The following ACAD9 variants were observed in gnomAD, a reference collection of about 807,000 sequenced individuals.
ACAD9 encodes acyl-CoA dehydrogenase family member 9.
In ACAD9, 53 loss-of-function variants were observed where a neutral mutation model predicts 70.2. That is an observed-to-expected ratio of 0.75 (90% CI 0.61 to 0.95). The LOEUF (loss-of-function observed/expected upper bound fraction) is 0.95. Among genes scored for constraint, ACAD9 ranks in the 40% least tolerant of loss-of-function variants. ACAD9 has a pLI of 0.00. For missense variants in ACAD9, 777 were observed against 802.8 expected (o/e 0.97, Z 0.39); for synonymous variants, 313 against 312.1 (o/e 1.00, Z -0.03).
At chr3:128,887,426 C>T (rs933923275) in intron 2 of ACAD9, among the ~76,000 whole-genome samples, 2 of 151,586 alleles carry the variant, frequency 1.3e-5, no homozygotes, top group East Asian at 1.9e-4. Context: ...GGCAATGGAG[C>T]GAAACCCTGT....
At chr3:128,895,543 G>C in intron 4 of ACAD9, 127 bp downstream of exon 4, 1 of 853,640 alleles carries the variant, frequency 1.2e-6, no homozygotes, top group South Asian at 1.4e-5. Flanking sequence ...CTGCCCTTCA[G>C]TTCCCTCACT....
At chr3:128,906,815 TGAA>T (rs1023832743) in intron 12 of ACAD9, among the ~76,000 whole-genome samples, 4 of 152,102 alleles carry the variant, frequency 2.6e-5, no homozygotes, top group African/African-American at 9.6e-5. Flanking sequence ...TTGGGGGTGT[TGAA>T]GAAGGTATAT....
intron 11 of ACAD9, 132 bp downstream of exon 11, chr3:128,904,637 GCC>G: frequency 7.0e-7 from 1 of 1,435,952 alleles, no homozygotes; most frequent in Non-Finnish European, 9.4e-7. Context: ...TGATGCACTT[GCC>G]CTGTGTAGCA....
intron 4 of ACAD9, among the ~76,000 whole-genome samples, 159 bp downstream of exon 4, chr3:128,895,575 C>T (rs538243827): frequency 6.6e-6 from 1 of 152,336 alleles, no homozygotes; most frequent in South Asian, 2.1e-4. Context: ...TCATGGTGCT[C>T]AATCCTCACA....
chr3:128,892,194 C>T (rs959659936), intron 2 of ACAD9, among the ~76,000 whole-genome samples: 2 of 152,072 alleles, frequency 1.3e-5, no homozygotes, highest in Admixed American at 1.3e-4. Context: ...GTTTTTATCT[C>T]GATTGTCATG....
intron 2 of ACAD9, among the ~76,000 whole-genome samples, chr3:128,892,065 T>C (rs1230739064): frequency 1.3e-5 from 2 of 152,204 alleles, no homozygotes; most frequent in African/African-American, 4.8e-5. Context: ...TATGGATTCA[T>C]TTATATAAAA....
At chr3:128,893,831 C>A (rs978688624) in intron 3 of ACAD9, among the ~76,000 whole-genome samples, 175 bp downstream of exon 3, 1 of 152,198 alleles carries the variant, frequency 6.6e-6, no homozygotes, top group African/African-American at 2.4e-5. Flanking sequence ...CTGTGCTTCT[C>A]ATCCTAGCAC....
Position 128,901,125 on chromosome 3 carries a change from C to G in ACAD9, c.809-151C>G, listed in dbSNP as rs1935725535. The G allele has an allele frequency of 4.0e-6, 3 of 745,010 alleles. No homozygotes were observed. In the East Asian group the frequency reaches 8.1e-5, roughly 20 times the overall value. The allele number at this position is 745,010 out of a possible 1,614,324, so 46.1% of individuals were successfully genotyped here. A position where few individuals can be genotyped will look rare whatever the true frequency, so the allele number is the denominator to read the frequency against. On this transcript the variant is annotated intron_variant, in intron 7 of 17. Transcript: ENST00000308982. The stretch of plus-strand genomic sequence containing the variant: ...TTGTCTCCCAAATCAAAGTATGAGC[C>G]TCCACAAAGATAGGAACTTTGTCTT...
intron 17 of ACAD9, 66 bp downstream of exon 17, chr3:128,910,879 G>A: frequency 6.4e-7 from 1 of 1,565,848 alleles, no homozygotes; most frequent in Non-Finnish European, 8.8e-7. Context: ...ATGGTGAGCT[G>A]TTTCTGGACC....
At chr3:128,903,490 A>C (rs957648632) in intron 9 of ACAD9, among the ~76,000 whole-genome samples, 1 of 152,110 alleles carries the variant, frequency 6.6e-6, no homozygotes, top group African/African-American at 2.4e-5. Context: ...CACACCTGGG[A>C]GAGCCTGTGG....
At chr3:128,880,244 G>A in intron 1 of ACAD9, 1 of 358,326 alleles carries the variant, frequency 2.8e-6, no homozygotes, top group South Asian at 2.2e-5. Flanking sequence ...TCCTTCCCCA[G>A]GTGAGCCCAG....
intron 12 of ACAD9, 69 bp from the exon 13 acceptor site, chr3:128,908,116 A>G (rs1935951418): frequency 1.4e-6 from 2 of 1,461,898 alleles, no homozygotes; most frequent in Non-Finnish European, 9.6e-7. Flanking sequence ...GGCTCTACCC[A>G]GCACACGTGG....
In ACAD9 at chr3:128,912,801, A is replaced by G. The variant is rs369326682; in HGVS notation, c.*194A>G. 1.1e-3 allele frequency: 811 copies of G among 730,146 alleles called. 10 individuals carry two copies. Among genetic ancestry groups the G allele is most frequent in the Non-Finnish European group, 2.7e-4 (106 of 396,436 alleles). 45.2% of individuals were successfully genotyped at this position (730,146 alleles called of 1,614,324 possible). On this transcript the variant is annotated 3_prime_UTR_variant, in exon 18 of 18. Transcript: ENST00000308982. ...TGACCTGCAGGCAGTGCTCTCTAAC[A>G]GGACCATCACAGCTTCTGAACTGAG...
chr3:128,892,270 C>T (rs1437298055), intron 2 of ACAD9, among the ~76,000 whole-genome samples: 2 of 152,060 alleles, frequency 1.3e-5, no homozygotes, highest in Non-Finnish European at 2.9e-5. Context: ...GGTTATTCTT[C>T]GCCAATTATG....
At position 128,910,668 on chromosome 3, in the gene ACAD9, G is replaced by A. The variant is rs568462254; in HGVS notation, c.1693-73G>A. ...GCCATGCTACCCAGTTTGGCTGATA[G>A]GCTGGGTTTTTGAAGCTCAGAGGTC... On this transcript the variant is annotated intron_variant, in intron 16 of 17. Transcript: ENST00000308982. 2.8e-5 allele frequency: 43 copies of A among 1,545,882 alleles called. 1 individual carries two copies. The East Asian group carries it at 9.2e-4, about 33-fold the overall frequency.
intron 3 of ACAD9, among the ~76,000 whole-genome samples, chr3:128,895,098 A>C (rs1314959177): frequency 6.6e-6 from 1 of 151,378 alleles, no homozygotes; most frequent in Admixed American, 6.6e-5. Flanking sequence ...GCTGGTCTCG[A>C]ACTGTTGACC....
intron 2 of ACAD9, 141 bp from the exon 3 acceptor site, chr3:128,893,414 G>A: frequency 1.5e-6 from 1 of 684,218 alleles, no homozygotes; most frequent in Non-Finnish European, 2.5e-6. Flanking sequence ...CAGGCCAAAT[G>A]ACCATGACTA....
intron 2 of ACAD9, among the ~76,000 whole-genome samples, chr3:128,890,281 T>A (rs1277330533): frequency 6.6e-6 from 1 of 152,166 alleles, no homozygotes; most frequent in Non-Finnish European, 1.5e-5. Flanking sequence ...AGAAGGGGCT[T>A]CACCATGTTG....
intron 17 of ACAD9, among the ~76,000 whole-genome samples, chr3:128,912,144 G>A (rs930224359): frequency 1.3e-5 from 2 of 152,184 alleles, no homozygotes; most frequent in Non-Finnish European, 2.9e-5. Context: ...CCTAGCCCTG[G>A]GGGTAGCCCA....
Sources: gnomAD v4.1 joint callset for allele counts (sites outside exome capture counted in the v4.1 genomes callset) on GRCh38, gnomAD v4.1.1 for gene constraint, MANE v1.5 for transcripts, NCBI Gene and HGNC (gene_info 2026-07-23, HGNC 2026-07-21) for gene names.